Variants in CILP observed in about 807,000 individuals in gnomAD.
CILP encodes cartilage intermediate layer protein, also known as cartilage intermediate layer protein 1.
In CILP, 75 loss-of-function variants were observed where a neutral mutation model predicts 82.5. The observed-to-expected ratio is 0.91, with a 90% confidence interval of 0.75 to 1.10. The LOEUF (loss-of-function observed/expected upper bound fraction) is 1.10, where lower values mean the gene tolerates loss of function less well. Ranked by LOEUF, CILP falls within the 50% of genes least tolerant of loss-of-function variation. CILP has a pLI of 0.00. For synonymous variants in CILP, 530 were observed against 580.3 expected, an observed-to-expected ratio of 0.91 and a Z score of 1.25; for missense variants, 1,479 against 1,530.8, an observed-to-expected ratio of 0.97 and a Z score of 0.56.
intron 4 of CILP, 97 bp from the exon 5 acceptor site, chr15:65,205,563 G>A: frequency 7.4e-6 from 9 of 1,213,368 alleles, no homozygotes; most frequent in Non-Finnish European, 1.0e-5. Flanking sequence ...GTAAAGACAA[G>A]GTTTCCATTT....
intron 2 of CILP, among the ~76,000 whole-genome samples, chr15:65,208,603 T>C (rs1212497891): frequency 6.6e-6 from 1 of 152,140 alleles, no homozygotes; most frequent in African/African-American, 2.4e-5. Flanking sequence ...CAATTTTCCA[T>C]ACGAGGCTGG....
rs1403605743 is a variant in CILP, at chr15:65,197,385, A to G, written c.2901T>C (p.Asn967=). Residue 967 remains asparagine (N), a synonymous_variant, in exon 9 of 9, where the codon AAT becomes AAC. Coordinates refer to ENST00000261883, the MANE Select transcript of CILP (RefSeq NM_003613.4). ...KVKIVGPLEV[N]VRSRNMGGTH... ...TGCCCCCCATGTTGCGGGATCGCACATTCACTTCCAGTGGCCCCACAATCT... is the reference window on the plus strand; with the variant it reads ...TGCCCCCCATGTTGCGGGATCGCACGTTCACTTCCAGTGGCCCCACAATCT... 1.2e-6 allele frequency: 2 copies of G among 1,614,220 alleles called. No homozygotes were observed. Among genetic ancestry groups the G allele is most frequent in the Non-Finnish European group, 1.7e-6 (2 of 1,180,036 alleles).
rs758672979 is a variant in CILP, at chr15:65,207,757, C to G, written c.69G>C (p.Gln23His). 5 of 1,614,014 alleles carry G rather than the reference C, an allele frequency of 3.1e-6. No homozygotes were observed. The African/African-American group carries it at 6.7e-5, about 22-fold the overall frequency. The change falls in exon 3 of 9, where the codon CAG (glutamine) becomes CAC (histidine). Residue 23 changes from glutamine to histidine, a missense_variant. Coordinates refer to ENST00000261883, the MANE Select transcript of CILP (RefSeq NM_003613.4). ...VLEVTSVLGRQTMLTQSVRRV... is the reference protein window; with the variant it reads ...VLEVTSVLGRHTMLTQSVRRV... ...TTCTTACTGACTGGGTGAGCATCGT[C>G]TGTCTCCCTGAGGGCCAGAAGGAGA...
At chr15:65,201,758 A>T (rs2088457396) in intron 8 of CILP, 114 bp downstream of exon 8, 4 of 607,212 alleles carry the variant, frequency 6.6e-6, no homozygotes, top group Non-Finnish European at 5.0e-6. Context: ...AAAGAAAGAA[A>T]GAAAAGAAAA....
chr15:65,198,141 T>A lies in CILP; in HGVS notation c.2145A>T (p.Lys715Asn), dbSNP rs1307736993. The A allele has an allele frequency of 3.1e-6, 5 of 1,614,120 alleles. No homozygotes were observed. The South Asian group carries it at 5.5e-5, about 18-fold the overall frequency. The stretch of plus-strand genomic sequence containing the variant: ...TTTTGTTCCTCCTTTGATTTTCAAA[T>A]TTGAAATCACCTTCCTCCTCCCACA... ...TGLWEEEGDF[K>N]FENQRRNKRE... is the part of the protein sequence containing the mutation. Residue 715 changes from lysine to asparagine, a missense_variant, in exon 9 of 9, where the codon AAA becomes AAT. By Grantham distance (94) the Lys-to-Asn change is moderately conservative. Transcript: ENST00000261883.
At chr15:65,209,619 A>C in intron 2 of CILP, 76 bp downstream of exon 2, 1 of 1,406,878 alleles carries the variant, frequency 7.1e-7, no homozygotes, top group Non-Finnish European at 1.0e-6. Flanking sequence ...GCAGATGCAT[A>C]GTTCAGTCCC....
At chr15:65,204,621 A>T in intron 5 of CILP, 39 bp from the exon 6 acceptor site, 1 of 1,554,290 alleles carries the variant, frequency 6.4e-7, no homozygotes. Context: ...GATTCTATGG[A>T]TTCTGGCATT....
At chr15:65,200,831 C>T (rs1187701068) in intron 8 of CILP, among the ~76,000 whole-genome samples, 1 of 152,110 alleles carries the variant, frequency 6.6e-6, no homozygotes, top group Non-Finnish European at 1.5e-5. Context: ...TTTTTCAAAC[C>T]CAGTCAGGTC....
In CILP at chr15:65,196,479, G is replaced by C; in HGVS notation, c.*252C>G. 1 of 411,844 alleles carries C rather than the reference G, an allele frequency of 2.4e-6. No individual in the cohort carries two copies. Among genetic ancestry groups the C allele is most frequent in the Non-Finnish European group, 4.3e-6 (1 of 232,628 alleles). 25.5% of individuals were successfully genotyped at this position (411,844 alleles called of 1,614,324 possible). On this transcript the variant is annotated 3_prime_UTR_variant, in exon 9 of 9. Coordinates refer to ENST00000261883, the MANE Select transcript of CILP (RefSeq NM_003613.4). ...CATTAAATGAAGTACAGTTGAAGCT[G>C]CAGAGTTTTACCAGTGGCCAATTTC...
chr15:65,196,824 C>A lies in CILP; in HGVS notation c.3462G>T (p.Arg1154Ser). 6.2e-7 allele frequency: 1 copy of A among 1,611,514 alleles called. No individual in the cohort carries two copies. The highest frequency in any genetic ancestry group is 8.5e-7 in the Non-Finnish European group (1 of 1,178,196). ...GTVQGRVPSR[R>S]QQRASRGGQR... ...GGCCACCCCTGCTCGCTCGCTGCTGCCTCCTCGAGGGCACTCTTCCTTGGA... is the reference window on the plus strand; with the variant it reads ...GGCCACCCCTGCTCGCTCGCTGCTGACTCCTCGAGGGCACTCTTCCTTGGA... Residue 1154 changes from arginine to serine, a missense_variant, in exon 9 of 9, where the codon AGG (arginine) becomes AGT (serine). Physicochemically the swap from Arg to Ser is moderately radical, Grantham distance 110. Coordinates refer to ENST00000261883, the MANE Select transcript of CILP (RefSeq NM_003613.4).
At chr15:65,207,568 G>A (rs1236507040) in intron 3 of CILP, 104 bp downstream of exon 3, 3 of 950,888 alleles carry the variant, frequency 3.2e-6, no homozygotes, top group African/African-American at 3.3e-5. Flanking sequence ...TGTAAAAGTG[G>A]GTTTCCATGG....
At position 65,199,067 on chromosome 15, in the gene CILP, C is replaced by G. The variant is rs1348624871; in HGVS notation, c.1219G>C (p.Glu407Gln). ...SDETPCNPVP[E>Q]SYLIRLPHDC... The stretch of plus-strand genomic sequence containing the variant: ...TGGGGCAGCCGGATAAGATAGCTCT[C>G]AGGAACTGGGTTGCAAGGAGTCTCA... Residue 407 changes from glutamate (E) to glutamine (Q), a missense_variant, in exon 9 of 9, where the codon GAG becomes CAG. Coordinates refer to ENST00000261883, the MANE Select transcript of CILP (RefSeq NM_003613.4). The G allele has an allele frequency of 6.3e-7, 1 of 1,598,064 alleles. No individual in the cohort carries two copies. The highest frequency in any genetic ancestry group is 8.5e-7 in the Non-Finnish European group (1 of 1,178,800).
intron 4 of CILP, 115 bp from the exon 5 acceptor site, chr15:65,205,581 AGATGTCACT>A: frequency 2.0e-6 from 2 of 1,008,192 alleles, no homozygotes; most frequent in Non-Finnish European, 2.8e-6. Flanking sequence ...TTTATGTCGT[AGATGTCACT>A]GATATTTATA....
In CILP at chr15:65,204,593, A is replaced by AG; in HGVS notation, c.605-12dup. The AG allele has an allele frequency of 1.9e-6, 3 of 1,584,408 alleles. No individual in the cohort carries two copies. Among genetic ancestry groups the AG allele is most frequent in the South Asian group, 2.3e-5 (2 of 86,378 alleles). On this transcript the variant is annotated splice_polypyrimidine_tract_variant and intron_variant, in intron 5 of 8. Transcript: ENST00000261883. ...AGGTCAGGTCACAGGCTGTGGAACA[A>AG]GGGGCCATATCAGCAGGGATTCTAT...
intron 8 of CILP, among the ~76,000 whole-genome samples, chr15:65,200,215 C>T (rs1384184300): frequency 3.9e-5 from 6 of 152,132 alleles, no homozygotes; most frequent in African/African-American, 9.7e-5. Context: ...TGCACATATA[C>T]ATTTGGAAAT....
rs919160578 is a variant in CILP at position 65,195,881 on chromosome 15, G to A, written c.*850C>T. On this transcript the variant is annotated 3_prime_UTR_variant, in exon 9 of 9. Transcript: ENST00000261883. ...TTTGACTGCTGGAGTGTGTGCCTATGTTGCCCTGCCCTGTAACTTAGGGGG... is the reference window on the plus strand; with the variant it reads ...TTTGACTGCTGGAGTGTGTGCCTATATTGCCCTGCCCTGTAACTTAGGGGG... 1 of 152,222 alleles carries A rather than the reference G, an allele frequency of 6.6e-6. No homozygotes were observed. The highest frequency in any genetic ancestry group is 1.5e-5 in the Non-Finnish European group (1 of 68,038). The allele number at this position is 152,222 out of a possible 1,614,324, so 9.4% of individuals were successfully genotyped here.
Position 65,207,064 on chromosome 15 carries a change from G to T in CILP, c.155-13C>A. ...CACTCACCAGGGCCTGAGAGACATA[G>T]CCAAATTGCGGAGGAGCCGTGATCC... On this transcript the variant is annotated splice_polypyrimidine_tract_variant and intron_variant, in intron 3 of 8. Transcript: ENST00000261883. 6.2e-7 allele frequency: 1 copy of T among 1,604,090 alleles called. No individual in the cohort carries two copies. Among genetic ancestry groups the T allele is most frequent in the East Asian group, 2.2e-5 (1 of 44,670 alleles).
At chr15:65,203,245 G>A (rs2088480311) in intron 7 of CILP, 117 bp downstream of exon 7, 2 of 727,794 alleles carry the variant, frequency 2.7e-6, no homozygotes, top group Non-Finnish European at 4.8e-6. Flanking sequence ...CTGTACCACT[G>A]TCTTACTTGT....
rs749404247 is a variant in CILP, at chr15:65,206,908, T to C, written c.298A>G (p.Thr100Ala). The C allele has an allele frequency of 6.2e-7, 1 of 1,613,724 alleles. No homozygotes were observed. Among genetic ancestry groups the C allele is most frequent in the Admixed American group, 1.7e-5 (1 of 59,990 alleles). Residue 100 changes from threonine (T) to alanine (A), a missense_variant, in exon 4 of 9, where the codon ACA (threonine) becomes GCA (alanine). By Grantham distance (58) the Thr-to-Ala change is moderately conservative. Transcript: ENST00000261883. ...ACCTGGCCAGTGCTGCCCGCAGGTGTCCAGTCAGTGGTCCGAGCCTCTAGC... is the reference window on the plus strand; with the variant it reads ...ACCTGGCCAGTGCTGCCCGCAGGTGCCCAGTCAGTGGTCCGAGCCTCTAGC... ...LRLEARTTDW[T>A]PAGSTGQVVH...
Sources: gnomAD v4.1 joint callset for allele counts (sites outside exome capture counted in the v4.1 genomes callset) on GRCh38, gnomAD v4.1.1 for gene constraint, MANE v1.5 for transcripts, NCBI Gene and HGNC (gene_info 2026-07-23, HGNC 2026-07-21) for gene names.